The following ADGRV1 variants were observed in gnomAD, a reference collection of about 807,000 sequenced individuals.
The protein encoded by ADGRV1 is G-protein coupled receptor 98.
In ADGRV1, 359 loss-of-function variants were observed where a neutral mutation model predicts 596.2. That is an observed-to-expected ratio of 0.60 (90% CI 0.55 to 0.66). ADGRV1 has a LOEUF of 0.66. Ranked by LOEUF, ADGRV1 falls within the 30% of genes least tolerant of loss-of-function variation. The probability of loss-of-function intolerance (pLI) is 0.00; values close to 1 mark genes in which losing one functional copy is unlikely to be tolerated. For synonymous variants in ADGRV1, 2,681 were observed against 2,679.2 expected, an observed-to-expected ratio of 1.00 and a Z score of -0.02; for missense variants, 7,274 against 7,575.6, an observed-to-expected ratio of 0.96 and a Z score of 1.48.
Position 90,668,078 on chromosome 5 carries a change from G to GC in ADGRV1, c.4753-4463dup, listed in dbSNP as rs1327976417. Among the ~76,000 whole-genome samples the GC allele has an allele frequency of 2.6e-5, 4 of 151,978 alleles. No homozygotes were observed. In the South Asian group the frequency reaches 6.2e-4, roughly 24 times the overall value. On this transcript the variant is annotated intron_variant, in intron 21 of 89. Transcript: ENST00000405460. ...CTGTCTTTTTGTTTGTCTGTGCCCT[G>GC]CCCCCAGAGGTGGAGCCTACAGAGG...
intron 21 of ADGRV1, among the ~76,000 whole-genome samples, chr5:90,665,405 G>A: frequency 6.6e-6 from 1 of 151,924 alleles, no homozygotes; most frequent in East Asian, 1.9e-4. Context: ...TTGCGTAGAG[G>A]TGTTTGTAGT....
chr5:90,923,556 T>C (rs1424637478), intron 83 of ADGRV1, among the ~76,000 whole-genome samples: 1 of 151,988 alleles, frequency 6.6e-6, no homozygotes, highest in Admixed American at 6.6e-5. Flanking sequence ...AAGAAAAAAA[T>C]CAAACAAAAC....
intron 87 of ADGRV1, among the ~76,000 whole-genome samples, chr5:91,103,729 A>G (rs1477029773): frequency 1.3e-5 from 2 of 152,124 alleles, no homozygotes; most frequent in Non-Finnish European, 2.9e-5. Flanking sequence ...GCAATTTCCA[A>G]GCCCTGAGCA....
chr5:90,708,860 T>C lies in ADGRV1; in HGVS notation c.8775T>C (p.Thr2925=). 2 of 1,612,534 alleles carry C rather than the reference T, an allele frequency of 1.2e-6. No homozygotes were observed. The highest frequency in any genetic ancestry group is 2.2e-5 in the South Asian group (2 of 90,958). The part of the protein sequence containing the change: ...ELEEYFLVNL[T]YVGLTMAAST... ...AAGAATATTTCCTGGTGAATTTAAC[T>C]TACGTTGGACTTACCATGGCTGCTT... Residue 2925 remains threonine, a synonymous_variant, in exon 39 of 90, where the codon ACT becomes ACC. Coordinates refer to ENST00000405460, the MANE Select transcript of ADGRV1 (RefSeq NM_032119.4).
At chr5:90,783,079 G>T in intron 65 of ADGRV1, 45 bp from the exon 66 acceptor site, 4 of 1,506,972 alleles carry the variant, frequency 2.7e-6, no homozygotes, top group Non-Finnish European at 3.7e-6. Context: ...TTATAAGTTA[G>T]TTGCTCTGTC....
At chr5:90,844,618 A>G (rs1419095344) in intron 78 of ADGRV1, among the ~76,000 whole-genome samples, 2 of 152,222 alleles carry the variant, frequency 1.3e-5, no homozygotes, top group Non-Finnish European at 2.9e-5. Flanking sequence ...TGATATGCTA[A>G]CTTTCAATTT....
intron 21 of ADGRV1, among the ~76,000 whole-genome samples, chr5:90,668,195 G>T (rs1287452236): frequency 3.3e-5 from 5 of 151,936 alleles, no homozygotes; most frequent in African/African-American, 1.2e-4. Context: ...AATGGCGGGC[G>T]CCCCTCCCCC....
rs58741440 is a variant in ADGRV1, at chr5:90,569,882, C to G, written c.22+10965C>G. 6.0e-3 allele frequency among the ~76,000 whole-genome samples: 916 copies of G among 152,142 alleles called. 7 individuals carry two copies. Among genetic ancestry groups the G allele is most frequent in the Middle Eastern group, 0.02 (6 of 294 alleles). On this transcript the variant is annotated intron_variant, in intron 1 of 89. Coordinates refer to ENST00000405460, the MANE Select transcript of ADGRV1 (RefSeq NM_032119.4). ...CCTGCTTTGTGCTGTTATTGTGGTA[C>G]AAATTCCTTTTTTATACAGTATATA...
intron 83 of ADGRV1, among the ~76,000 whole-genome samples, chr5:90,924,795 G>C (rs1340128157): frequency 6.6e-6 from 1 of 152,008 alleles, no homozygotes; most frequent in Non-Finnish European, 1.5e-5. Flanking sequence ...AATCCGTCTT[G>C]AATTGATTTT....
chr5:90,877,862 C>G (rs1769368846), intron 83 of ADGRV1, among the ~76,000 whole-genome samples: 1 of 151,786 alleles, frequency 6.6e-6, no homozygotes, highest in African/African-American at 2.4e-5. Context: ...AACATTACCT[C>G]TTACATGCCC....
intron 84 of ADGRV1, among the ~76,000 whole-genome samples, chr5:90,981,299 C>T (rs1217129625): frequency 1.3e-5 from 2 of 152,126 alleles, no homozygotes; most frequent in Non-Finnish European, 2.9e-5. Context: ...TGATTAGCTT[C>T]TCCAAACGAA....
chr5:90,718,662 G>T (rs891802729), intron 43 of ADGRV1, among the ~76,000 whole-genome samples: 1 of 151,370 alleles, frequency 6.6e-6, no homozygotes, highest in Non-Finnish European at 1.5e-5. Flanking sequence ...ACCTTAATTG[G>T]TTTGTGCAAG....
chr5:90,839,749 C>T (rs1319951314), intron 77 of ADGRV1, among the ~76,000 whole-genome samples: 1 of 152,178 alleles, frequency 6.6e-6, no homozygotes, highest in East Asian at 1.9e-4. Flanking sequence ...CTTTCCATCA[C>T]CGTGCATTCC....
intron 85 of ADGRV1, among the ~76,000 whole-genome samples, chr5:91,054,098 TGTGTGA>T (rs1408185974): frequency 6.2e-4 from 77 of 124,568 alleles, no homozygotes; most frequent in African/African-American, 2.0e-3. Flanking sequence ...TGTGTGTGTG[TGTGTGA>T]GAGAGAGAGA....
At chr5:90,624,430 G>T (rs1410673475) in intron 5 of ADGRV1, among the ~76,000 whole-genome samples, 1 of 152,100 alleles carries the variant, frequency 6.6e-6, no homozygotes, top group Admixed American at 6.5e-5. Flanking sequence ...TTTGTAGCCT[G>T]TTTTTTGTTT....
intron 86 of ADGRV1, among the ~76,000 whole-genome samples, chr5:91,093,340 C>G (rs1176574582): frequency 6.6e-6 from 1 of 152,222 alleles, no homozygotes; most frequent in African/African-American, 2.4e-5. Flanking sequence ...CCCACTGCTG[C>G]AAAGCAAATT....
intron 87 of ADGRV1, among the ~76,000 whole-genome samples, chr5:91,137,129 C>T (rs944892424): frequency 2.3e-4 from 35 of 152,030 alleles, no homozygotes; most frequent in African/African-American, 8.5e-4. Context: ...TTTCCCTTTT[C>T]TTTTATCCTT....
chr5:90,778,708 T>G lies in ADGRV1; in HGVS notation c.12849+99T>G, dbSNP rs1430270295. On this transcript the variant is annotated intron_variant, in intron 63 of 89. Transcript: ENST00000405460. ...CCAGAGTTTTCATAAACTGATTAAT[T>G]TGCTCCAAACATCATTATTTTAACA... 7.2e-6 allele frequency: 8 copies of G among 1,113,286 alleles called. No individual in the cohort carries two copies. The East Asian group carries it at 1.3e-4, about 19-fold the overall frequency. The allele number at this position is 1,113,286 out of a possible 1,614,324, so 69.0% of individuals were successfully genotyped here.
intron 59 of ADGRV1, 139 bp from the exon 60 acceptor site, chr5:90,774,047 G>A (rs564641759): frequency 2.4e-6 from 1 of 409,676 alleles, no homozygotes; most frequent in Admixed American, 4.3e-5. Flanking sequence ...ATTCTTTCTA[G>A]CTGCAACTCG....
Sources: allele counts gnomAD v4.1 joint callset (sites outside exome capture counted in the v4.1 genomes callset), GRCh38; gene constraint gnomAD v4.1.1; transcripts MANE v1.5; gene names NCBI Gene and HGNC (gene_info 2026-07-23, HGNC 2026-07-21).